The following NEIL3 variants were observed in gnomAD, a reference collection of about 807,000 sequenced individuals.
NEIL3 encodes the protein endonuclease 8-like 3.
In NEIL3, 48 loss-of-function variants were observed where a neutral mutation model predicts 57.5. That is an observed-to-expected ratio of 0.83 (90% CI 0.66 to 1.06). NEIL3 has a LOEUF of 1.06. Among genes scored for constraint, NEIL3 ranks in the 50% least tolerant of loss-of-function variants. The pLI, the probability that NEIL3 is intolerant of heterozygous loss-of-function variation, is 0.00. For missense variants in NEIL3, 717 were observed against 739.1 expected, an observed-to-expected ratio of 0.97 and a Z score of 0.35; for synonymous variants, 261 against 253.2, an observed-to-expected ratio of 1.03 and a Z score of -0.29.
At chr4:177,311,859 G>A (rs1376313623) in intron 1 of NEIL3, among the ~76,000 whole-genome samples, 1 of 152,032 alleles carries the variant, frequency 6.6e-6, no homozygotes, top group Non-Finnish European at 1.5e-5. Context: ...ATGAAGACAA[G>A]AGAATCACTA....
At chr4:177,329,168 A>G (rs1443187453) in intron 2 of NEIL3, among the ~76,000 whole-genome samples, 1 of 152,166 alleles carries the variant, frequency 6.6e-6, no homozygotes, top group Admixed American at 6.5e-5. Context: ...AAAATGCTCA[A>G]TCCAAAAGAA....
rs912185609 is a variant in NEIL3 at position 177,314,216 on chromosome 4, A to G, written c.156+4107A>G. ...CTCAAGATCATCATTATTGGTATCCAGAATCCTATGGAATCATGAAACAAG... is the reference window on the plus strand; with the variant it reads ...CTCAAGATCATCATTATTGGTATCCGGAATCCTATGGAATCATGAAACAAG... On this transcript the variant is annotated intron_variant, in intron 1 of 9. Coordinates refer to ENST00000264596, the MANE Select transcript of NEIL3 (RefSeq NM_018248.3). Among the ~76,000 whole-genome samples the G allele has an allele frequency of 3.9e-5, 6 of 152,220 alleles. No homozygotes were observed. In the East Asian group the frequency reaches 1.2e-3, roughly 29 times the overall value.
downstream of NEIL3, among the ~76,000 whole-genome samples, chr4:177,364,652 G>A (rs188774405): frequency 0.022 from 3,346 of 152,216 alleles, 61 homozygotes; most frequent in South Asian, 0.064. Flanking sequence ...TGAGCTGGCC[G>A]GGCACGGTGG....
intron 6 of NEIL3, among the ~76,000 whole-genome samples, chr4:177,342,307 C>A (rs1203059225): frequency 6.6e-6 from 1 of 152,306 alleles, no homozygotes; most frequent in African/African-American, 2.4e-5. Flanking sequence ...CCCCAATGTA[C>A]AGTTACCTTG....
At chr4:177,353,184 G>A (rs1735395201) in intron 7 of NEIL3, 124 bp from the exon 8 acceptor site, 1 of 741,726 alleles carries the variant, frequency 1.3e-6, no homozygotes, top group Non-Finnish European at 2.2e-6. Flanking sequence ...TGTGTTATTA[G>A]TTCTATATAT....
chr4:177,365,847 G>T (rs1735686360), downstream of NEIL3, among the ~76,000 whole-genome samples: 1 of 152,270 alleles, frequency 6.6e-6, no homozygotes, highest in South Asian at 2.1e-4. Flanking sequence ...GATGTGAAGT[G>T]AGAAATTACT....
chr4:177,337,616 T>G (rs1250437988), intron 4 of NEIL3, among the ~76,000 whole-genome samples: 1 of 152,236 alleles, frequency 6.6e-6, no homozygotes, highest in African/African-American at 2.4e-5. Context: ...TTATCTGTGA[T>G]GCACTGAGAA....
intron 6 of NEIL3, among the ~76,000 whole-genome samples, chr4:177,348,899 G>A (rs368844351): frequency 4.8e-5 from 5 of 103,294 alleles, no homozygotes; most frequent in East Asian, 3.4e-4. Flanking sequence ...ACGGAGTCTC[G>A]CTCTGTCACC....
At chr4:177,360,422 T>A (rs1319627784) in intron 8 of NEIL3, 81 bp from the exon 9 acceptor site, 2 of 985,850 alleles carry the variant, frequency 2.0e-6, no homozygotes, top group Non-Finnish European at 2.9e-6. Context: ...ACAAGTGAAA[T>A]TCTGACATGT....
intron 1 of NEIL3, among the ~76,000 whole-genome samples, chr4:177,321,954 G>A (rs767846899): frequency 2.0e-5 from 3 of 152,080 alleles, no homozygotes; most frequent in Non-Finnish European, 2.9e-5. Context: ...GTTCTCTCCC[G>A]CTTTTAGTTT....
intron 7 of NEIL3, among the ~76,000 whole-genome samples, chr4:177,352,263 C>T (rs1016764243): frequency 3.3e-5 from 5 of 152,216 alleles, no homozygotes; most frequent in African/African-American, 1.2e-4. Flanking sequence ...GCCAGAAAGG[C>T]AGACATCACC....
intron 6 of NEIL3, among the ~76,000 whole-genome samples, chr4:177,341,871 G>T (rs1201483566): frequency 6.6e-6 from 1 of 152,142 alleles, no homozygotes; most frequent in South Asian, 2.1e-4. Context: ...CTGGCTCAGG[G>T]AATAATATCT....
At chr4:177,360,114 T>A (rs1264810793) in intron 8 of NEIL3, among the ~76,000 whole-genome samples, 1 of 152,210 alleles carries the variant, frequency 6.6e-6, no homozygotes, top group East Asian at 1.9e-4. Flanking sequence ...GACTAGCTAC[T>A]TTGGGGCCAG....
Position 177,348,552 on chromosome 4 carries a change from A to G in NEIL3, c.870-2828A>G, listed in dbSNP as rs564021523. ...GTGATGCTGGCAGCACCCAGGCGCC[A>G]GGATTACCGCTGCCTGCAATCCTCT... On this transcript the variant is annotated intron_variant, in intron 6 of 9. Coordinates refer to ENST00000264596, the MANE Select transcript of NEIL3 (RefSeq NM_018248.3). Among the ~76,000 whole-genome samples the G allele has an allele frequency of 1.5e-3, 230 of 152,248 alleles. 1 individual carries two copies. The highest frequency in any genetic ancestry group is 2.9e-3 in the Non-Finnish European group (197 of 68,024).
chr4:177,329,248 A>C (rs1297144371), intron 2 of NEIL3, among the ~76,000 whole-genome samples: 2 of 152,196 alleles, frequency 1.3e-5, no homozygotes, highest in Non-Finnish European at 2.9e-5. Flanking sequence ...TATTTAAATC[A>C]AAGCATAAAA....
At chr4:177,329,864 G>C (rs1242766976) in intron 2 of NEIL3, among the ~76,000 whole-genome samples, 1 of 152,068 alleles carries the variant, frequency 6.6e-6, no homozygotes, top group Admixed American at 6.5e-5. Context: ...AATCCTCTCT[G>C]ACTACAACAG....
chr4:177,366,473 A>G (rs1318419012), downstream of NEIL3, among the ~76,000 whole-genome samples: 2 of 152,156 alleles, frequency 1.3e-5, no homozygotes, highest in Non-Finnish European at 2.9e-5. Context: ...ATCTCGGCTC[A>G]CTGCAACCTC....
At chr4:177,335,433 A>G (rs1734955052) in intron 2 of NEIL3, among the ~76,000 whole-genome samples, 1 of 152,196 alleles carries the variant, frequency 6.6e-6, no homozygotes, top group African/African-American at 2.4e-5. Flanking sequence ...TATTGTTGGT[A>G]CCATATTATT....
At chr4:177,314,284 G>T (rs370295017) in intron 1 of NEIL3, among the ~76,000 whole-genome samples, 1 of 152,282 alleles carries the variant, frequency 6.6e-6, no homozygotes, top group East Asian at 1.9e-4. Context: ...GAGGAAAAAG[G>T]GGAGGTGATT....
Sources: gnomAD v4.1 joint callset for allele counts (sites outside exome capture counted in the v4.1 genomes callset) on GRCh38, gnomAD v4.1.1 for gene constraint, MANE v1.5 for transcripts, NCBI Gene and HGNC (gene_info 2026-07-23, HGNC 2026-07-21) for gene names.